RASSF3: variants seen among roughly 807,000 people sequenced by gnomAD.
RASSF3 encodes Ras association domain family member 3, also known as ras association domain-containing protein 3.
A neutral mutation model predicts 19.9 loss-of-function variants in RASSF3; 19 were observed. The observed-to-expected ratio is 0.96, with a 90% confidence interval of 0.67 to 1.40. RASSF3 has a LOEUF of 1.40. Ranked by LOEUF, RASSF3 falls within the 40% of genes most tolerant of loss-of-function variation. The pLI is 0.00. For synonymous variants in RASSF3, 110 were observed against 104.2 expected (o/e 1.06, Z -0.34); for missense variants, 306 against 289.8 (o/e 1.06, Z -0.41).
intron 1 of RASSF3, among the ~76,000 whole-genome samples, chr12:64,507,642 C>A (rs1423670719): frequency 6.6e-6 from 1 of 152,072 alleles, no homozygotes; most frequent in Non-Finnish European, 1.5e-5. Context: ...ACAAAAACAG[C>A]TCTTATTCTC....
chr12:64,524,919 T>C (rs575282949), intron 1 of RASSF3, among the ~76,000 whole-genome samples: 20 of 152,254 alleles, frequency 1.3e-4, no homozygotes, highest in African/African-American at 4.6e-4. Context: ...AGGCATCAGG[T>C]CTTAGAGTTG....
At chr12:64,599,329 G>A (rs1024154889) in intron 2 of RASSF3, 1 of 152,176 alleles carries the variant, frequency 6.6e-6, no homozygotes, top group East Asian at 1.9e-4. Flanking sequence ...ATGGCTAAAA[G>A]CCCTTAGCAG....
chr12:64,522,670 C>T (rs1868503652), intron 1 of RASSF3, among the ~76,000 whole-genome samples: 3 of 152,114 alleles, frequency 2.0e-5, no homozygotes, highest in Admixed American at 6.6e-5. Flanking sequence ...AACTTGTGTG[C>T]CAGGAGTCTC....
At chr12:64,557,143 G>A (rs761254721) in intron 2 of RASSF3, among the ~76,000 whole-genome samples, 4 of 151,930 alleles carry the variant, frequency 2.6e-5, no homozygotes, top group Non-Finnish European at 5.9e-5. Context: ...AGCTTTCCCT[G>A]CCCATCTTAA....
At chr12:64,562,381 T>A (rs1479826425) in intron 2 of RASSF3, among the ~76,000 whole-genome samples, 2 of 152,100 alleles carry the variant, frequency 1.3e-5, no homozygotes, top group Non-Finnish European at 2.9e-5. Flanking sequence ...TCCTTAGACA[T>A]CCTGGTTAGG....
intron 1 of RASSF3, among the ~76,000 whole-genome samples, chr12:64,612,847 T>G (rs1003248202): frequency 5.3e-5 from 8 of 152,210 alleles, no homozygotes; most frequent in African/African-American, 7.2e-5. Context: ...CAGGGTAGTA[T>G]TATTTAGCAT....
At chr12:64,680,863 C>T (rs1028424959) in intron 1 of RASSF3, among the ~76,000 whole-genome samples, 7 of 152,104 alleles carry the variant, frequency 4.6e-5, no homozygotes, top group Non-Finnish European at 7.4e-5. Flanking sequence ...CCGCCCGCCT[C>T]GGCCTCCCAA....
intron 1 of RASSF3, among the ~76,000 whole-genome samples, chr12:64,613,977 G>A (rs1870462629): frequency 6.6e-6 from 1 of 151,992 alleles, no homozygotes; most frequent in Non-Finnish European, 1.5e-5. Flanking sequence ...AGATATAAAG[G>A]GAACGAACAT....
At chr12:64,507,954 A>G (rs1024691893) in intron 1 of RASSF3, among the ~76,000 whole-genome samples, 1 of 152,142 alleles carries the variant, frequency 6.6e-6, no homozygotes, top group African/African-American at 2.4e-5. Flanking sequence ...CAAGTCTGGT[A>G]TCTGAAGTTC....
At chr12:64,619,810 T>A (rs1259635708) in intron 1 of RASSF3, among the ~76,000 whole-genome samples, 1 of 151,782 alleles carries the variant, frequency 6.6e-6, no homozygotes, top group African/African-American at 2.4e-5. Context: ...TGAAACCCCG[T>A]CTCTACTAAA....
chr12:64,526,503 C>A (rs1411750791), intron 1 of RASSF3, among the ~76,000 whole-genome samples: 2 of 152,016 alleles, frequency 1.3e-5, no homozygotes, highest in Non-Finnish European at 2.9e-5. Context: ...ATTCTACTTT[C>A]TACCTCTGTG....
At chr12:64,643,155 C>G (rs1051169400) in intron 1 of RASSF3, among the ~76,000 whole-genome samples, 1 of 151,658 alleles carries the variant, frequency 6.6e-6, no homozygotes, top group Admixed American at 6.6e-5. Context: ...TGTGAGCCAT[C>G]ACGCCTGGCC....
At chr12:64,603,663 A>C (rs1870134666) in intron 2 of RASSF3, among the ~76,000 whole-genome samples, 1 of 152,196 alleles carries the variant, frequency 6.6e-6, no homozygotes. Flanking sequence ...ATGAGCTTTT[A>C]TTATGTGCCA....
chr12:64,558,765 G>A (rs1370027021), intron 2 of RASSF3, among the ~76,000 whole-genome samples: 1 of 152,080 alleles, frequency 6.6e-6, no homozygotes, highest in African/African-American at 2.4e-5. Flanking sequence ...TTCTCCCTAG[G>A]GACCCGGCCA....
intron 1 of RASSF3, among the ~76,000 whole-genome samples, chr12:64,643,338 A>T (rs1871612260): frequency 6.6e-6 from 1 of 152,112 alleles, no homozygotes; most frequent in South Asian, 2.1e-4. Flanking sequence ...ATGCACAGAT[A>T]CTCACAACAT....
At chr12:64,618,892 G>A (rs910113066) in intron 1 of RASSF3, among the ~76,000 whole-genome samples, 8 of 151,528 alleles carry the variant, frequency 5.3e-5, no homozygotes, top group African/African-American at 1.9e-4. Context: ...GGATTTTGAA[G>A]ATTAGAAATG....
At chr12:64,524,276 A>C (rs1868539342) in intron 1 of RASSF3, among the ~76,000 whole-genome samples, 1 of 150,676 alleles carries the variant, frequency 6.6e-6, no homozygotes, top group African/African-American at 2.4e-5. Flanking sequence ...TTGTAGAATC[A>C]GGATTTCACC....
At chr12:64,580,192 C>G (rs916802804) in intron 2 of RASSF3, among the ~76,000 whole-genome samples, 1 of 152,020 alleles carries the variant, frequency 6.6e-6, no homozygotes, top group African/African-American at 2.4e-5. Context: ...TTGGAAAGAA[C>G]TTTCAAGGGT....
At chr12:64,565,864 C>T (rs1208449869) in intron 2 of RASSF3, among the ~76,000 whole-genome samples, 2 of 149,406 alleles carry the variant, frequency 1.3e-5, no homozygotes, top group African/African-American at 5.0e-5. Flanking sequence ...GCCTGGGCAA[C>T]CGAGCGAGAC....
Sources: gnomAD v4.1 joint callset for allele counts (sites outside exome capture counted in the v4.1 genomes callset) on GRCh38, gnomAD v4.1.1 for gene constraint, MANE v1.5 for transcripts, NCBI Gene and HGNC (gene_info 2026-07-23, HGNC 2026-07-21) for gene names.